The following GPHN variants were observed in gnomAD, a reference collection of about 807,000 sequenced individuals.
GPHN encodes gephyrin.
A neutral mutation model predicts 95.5 loss-of-function variants in GPHN; 17 were observed. The ratio of observed to expected loss-of-function variants is 0.18; its 90% CI spans 0.12 to 0.27. The LOEUF (loss-of-function observed/expected upper bound fraction) is 0.27. Among genes scored for constraint, GPHN ranks in the 10% least tolerant of loss-of-function variants. The pLI, the probability that GPHN is intolerant of heterozygous loss-of-function variation, is 1.00. For synonymous variants in GPHN, 320 were observed against 322.5 expected (o/e 0.99, Z 0.08); for missense variants, 660 against 978.1 (o/e 0.67, Z 4.34).
At chr14:66,773,096 G>A (rs1274859762) in intron 2 of GPHN, among the ~76,000 whole-genome samples, 2 of 152,070 alleles carry the variant, frequency 1.3e-5, no homozygotes, top group Admixed American at 6.5e-5. Context: ...GAAGACTGCC[G>A]CTGTGCAGAC....
At chr14:67,572,310 A>G in the GPHN span, 1,060,016 of 1,549,062 alleles carry the variant, frequency 0.68, 367,699 homozygotes, top group Non-Finnish European at 0.72. Context: ...GCAGGGTGGA[A>G]GCAGAATGCA....
chr14:67,618,860 ACTC>A, the GPHN span, among the ~76,000 whole-genome samples: 1 of 151,950 alleles, frequency 6.6e-6, no homozygotes, highest in Non-Finnish European at 1.5e-5. Flanking sequence ...GGGTACTAAA[ACTC>A]CTTTGGAGTT....
chr14:67,201,363 G>A, the GPHN span: 6 of 436,500 alleles, frequency 1.4e-5, no homozygotes, highest in African/African-American at 1.0e-4. Flanking sequence ...GAGTGAAAGA[G>A]CCCCAGGGCA....
chr14:66,674,555 A>G (rs2066482461), intron 1 of GPHN, among the ~76,000 whole-genome samples: 2 of 152,188 alleles, frequency 1.3e-5, no homozygotes, highest in Admixed American at 6.5e-5. Context: ...ATGCATGAGA[A>G]CATGCAGTAT....
chr14:67,359,518 C>T, the GPHN span: 1 of 923,898 alleles, frequency 1.1e-6, no homozygotes, highest in Non-Finnish European at 1.6e-6. Flanking sequence ...GAAGCCTCGC[C>T]CTAGACTCAA....
chr14:67,408,710 C>T, the GPHN span, among the ~76,000 whole-genome samples: 1 of 152,200 alleles, frequency 6.6e-6, no homozygotes, highest in African/African-American at 2.4e-5. Flanking sequence ...CTACAAGTTT[C>T]AGAGGCAGCA....
intron 11 of GPHN, among the ~76,000 whole-genome samples, chr14:67,082,303 G>A (rs904608739): frequency 6.6e-6 from 1 of 152,064 alleles, no homozygotes; most frequent in South Asian, 2.1e-4. Flanking sequence ...TTTCCTTGTA[G>A]AGGTATATAG....
the GPHN span, among the ~76,000 whole-genome samples, chr14:67,664,067 A>G: frequency 5.1e-4 from 77 of 152,220 alleles, 1 homozygote; most frequent in Non-Finnish European, 9.6e-4. Context: ...ATCACCATAA[A>G]GTTACCATCA....
At chr14:66,901,605 T>C (rs959517175) in intron 5 of GPHN, among the ~76,000 whole-genome samples, 1 of 152,088 alleles carries the variant, frequency 6.6e-6, no homozygotes, top group African/African-American at 2.4e-5. Flanking sequence ...TATCCAGTTT[T>C]CTCCACATCA....
chr14:66,616,983 G>A (rs1217124893), intron 1 of GPHN, among the ~76,000 whole-genome samples: 1 of 152,194 alleles, frequency 6.6e-6, no homozygotes, highest in Non-Finnish European at 1.5e-5. Context: ...TGGGATTACA[G>A]GCGTGAGCCA....
intron 1 of GPHN, among the ~76,000 whole-genome samples, chr14:66,623,306 C>T (rs1595286529): frequency 6.6e-6 from 1 of 152,124 alleles, no homozygotes; most frequent in East Asian, 1.9e-4. Flanking sequence ...CCAGGTTCCT[C>T]CCAAGACATG....
chr14:67,438,582 TG>T, the GPHN span, among the ~76,000 whole-genome samples: 3 of 152,118 alleles, frequency 2.0e-5, no homozygotes, highest in Non-Finnish European at 4.4e-5. Flanking sequence ...AGATTATGGC[TG>T]GGTGCGGTGG....
At chr14:67,570,222 TG>T in the GPHN span, 1 of 392,766 alleles carries the variant, frequency 2.5e-6, no homozygotes, top group Non-Finnish European at 3.5e-6. Flanking sequence ...AGTATGAACG[TG>T]GACAAGGTAA....
intron 4 of GPHN, among the ~76,000 whole-genome samples, chr14:66,844,142 G>A (rs1401383730): frequency 6.6e-6 from 1 of 151,886 alleles, no homozygotes; most frequent in African/African-American, 2.4e-5. Context: ...TTTCCTTTGA[G>A]AATATCATTT....
chr14:66,918,139 G>A (rs2066007415), intron 6 of GPHN, among the ~76,000 whole-genome samples: 3 of 152,248 alleles, frequency 2.0e-5, no homozygotes, highest in South Asian at 2.1e-4. Flanking sequence ...GAAAGAATAC[G>A]GATTAAAGTC....
At chr14:66,998,143 G>T (rs999410525) in intron 9 of GPHN, among the ~76,000 whole-genome samples, 2 of 152,132 alleles carry the variant, frequency 1.3e-5, no homozygotes, top group Non-Finnish European at 2.9e-5. Flanking sequence ...TGGCTTCTTG[G>T]GGGCATTATG....
intron 6 of GPHN, among the ~76,000 whole-genome samples, chr14:66,918,148 T>G (rs1188074128): frequency 6.6e-6 from 1 of 152,184 alleles, no homozygotes; most frequent in African/African-American, 2.4e-5. Flanking sequence ...CGGATTAAAG[T>G]CAGCCAAGGG....
At chr14:67,056,457 A>G (rs1399261040) in intron 10 of GPHN, among the ~76,000 whole-genome samples, 2 of 152,210 alleles carry the variant, frequency 1.3e-5, no homozygotes, top group African/African-American at 2.4e-5. Context: ...TTAGCTAGAC[A>G]CAGAGTGCTG....
At chr14:67,056,817 G>A (rs542117526) in intron 10 of GPHN, among the ~76,000 whole-genome samples, 3 of 152,108 alleles carry the variant, frequency 2.0e-5, no homozygotes, top group Non-Finnish European at 4.4e-5. Flanking sequence ...GGGGTGGGGG[G>A]GGGTCACTCA....
Sources: gnomAD v4.1 joint callset for allele counts (sites outside exome capture counted in the v4.1 genomes callset) on GRCh38, gnomAD v4.1.1 for gene constraint, MANE v1.5 for transcripts, NCBI Gene and HGNC (gene_info 2026-07-23, HGNC 2026-07-21) for gene names.